The following FHOD3 variants were observed in gnomAD, a reference collection of about 807,000 sequenced individuals.
FHOD3 encodes formin homology 2 domain containing 3.
Under a neutral mutation model 173.0 loss-of-function variants are expected in FHOD3, and 90 were observed. The ratio of observed to expected loss-of-function variants is 0.52; its 90% CI spans 0.44 to 0.62. The LOEUF (loss-of-function observed/expected upper bound fraction) is 0.62. FHOD3 is among the 20% of genes least tolerant of loss of function. The pLI, the probability that FHOD3 is intolerant of heterozygous loss-of-function variation, is 0.00. For missense variants in FHOD3, 1,945 were observed against 2,034.7 expected (o/e 0.96, Z 0.85); for synonymous variants, 828 against 823.0 (o/e 1.01, Z -0.10).
chr18:36,562,135 G>A (rs577815457), intron 5 of FHOD3, among the ~76,000 whole-genome samples: 7 of 152,208 alleles, frequency 4.6e-5, no homozygotes, highest in African/African-American at 1.2e-4. Flanking sequence ...TCCTGCCTCA[G>A]CCTCCCAAGT....
chr18:36,452,654 C>T (rs1268988400), intron 3 of FHOD3, among the ~76,000 whole-genome samples: 1 of 152,104 alleles, frequency 6.6e-6, no homozygotes, highest in South Asian at 2.1e-4. Flanking sequence ...TTCTCGGAGT[C>T]TGGCTACTTT....
At chr18:36,427,238 C>A (rs2050294248) in intron 3 of FHOD3, among the ~76,000 whole-genome samples, 1 of 145,246 alleles carries the variant, frequency 6.9e-6, no homozygotes, top group Non-Finnish European at 1.5e-5. Context: ...AAAGATCACA[C>A]TGCCAGCAGA....
At chr18:36,703,724 C>T (rs181637347) in intron 17 of FHOD3, among the ~76,000 whole-genome samples, 34 of 152,274 alleles carry the variant, frequency 2.2e-4, no homozygotes, top group Admixed American at 5.9e-4. Flanking sequence ...TCTGCCCTGG[C>T]GGACTTCATA....
chr18:36,777,359 G>A (rs1223962679), intron 28 of FHOD3, among the ~76,000 whole-genome samples: 19 of 151,962 alleles, frequency 1.3e-4, no homozygotes, highest in African/African-American at 4.6e-4. Flanking sequence ...GTGCCACCAT[G>A]TCTGGCTAAT....
At chr18:36,464,453 C>T (rs915197339) in intron 3 of FHOD3, among the ~76,000 whole-genome samples, 5 of 152,180 alleles carry the variant, frequency 3.3e-5, no homozygotes, top group Non-Finnish European at 7.3e-5. Context: ...TGCTGCCATA[C>T]AGCTTGGACT....
intron 6 of FHOD3, among the ~76,000 whole-genome samples, chr18:36,592,801 G>A (rs1374448734): frequency 6.6e-6 from 1 of 152,076 alleles, no homozygotes; most frequent in Non-Finnish European, 1.5e-5. Flanking sequence ...GGTGGAAGGG[G>A]GTAAGCATGA....
intron 7 of FHOD3, among the ~76,000 whole-genome samples, chr18:36,601,938 G>A (rs1027718695): frequency 2.0e-4 from 31 of 152,184 alleles, no homozygotes; most frequent in African/African-American, 7.0e-4. Flanking sequence ...ATAAGCCTTC[G>A]CCTGCAGAGC....
chr18:36,628,796 T>C (rs2034298627), intron 10 of FHOD3, among the ~76,000 whole-genome samples: 1 of 152,190 alleles, frequency 6.6e-6, no homozygotes, highest in African/African-American at 2.4e-5. Context: ...TGGGGTACAC[T>C]TCCAGGCATG....
At chr18:36,584,518 A>G (rs1282168632) in intron 6 of FHOD3, among the ~76,000 whole-genome samples, 1 of 152,220 alleles carries the variant, frequency 6.6e-6, no homozygotes, top group African/African-American at 2.4e-5. Context: ...GAATTGCACT[A>G]TTGTCTTAAA....
chr18:36,424,250 C>T (rs896015916), intron 3 of FHOD3, among the ~76,000 whole-genome samples: 1 of 152,184 alleles, frequency 6.6e-6, no homozygotes, highest in Non-Finnish European at 1.5e-5. Context: ...CAGTACAGTG[C>T]CACATTTTTT....
rs1013547143 is a variant in FHOD3, at chr18:36,742,643, A to G, written c.3760-94A>G. ...GGGGGATTGCCTTGTGCTGGGGAGA[A>G]CACCGTGTGTTATTCCCTTATACAA... On this transcript the variant is annotated intron_variant, in intron 21 of 28. Coordinates refer to ENST00000590592, the MANE Select transcript of FHOD3 (RefSeq NM_001281740.3). 1.1e-4 allele frequency: 153 copies of G among 1,368,574 alleles called. 1 individual carries two copies. The South Asian group carries it at 2.0e-3, about 17-fold the overall frequency. The allele number at this position is 1,368,574 out of a possible 1,614,324, so 84.8% of individuals were successfully genotyped here. A position where few individuals can be genotyped will look rare whatever the true frequency, so the allele number is the denominator to read the frequency against.
At chr18:36,495,797 A>G (rs540116321) in intron 3 of FHOD3, among the ~76,000 whole-genome samples, 1 of 152,348 alleles carries the variant, frequency 6.6e-6, no homozygotes, top group Non-Finnish European at 1.5e-5. Context: ...CAGTGAGCAC[A>G]GCCTGCAGAG....
intron 4 of FHOD3, among the ~76,000 whole-genome samples, chr18:36,511,053 C>T (rs1423279985): frequency 6.6e-6 from 1 of 152,208 alleles, no homozygotes; most frequent in Non-Finnish European, 1.5e-5. Flanking sequence ...AGTTCATCTA[C>T]ATTATTTTTT....
chr18:36,363,876 TAGG>T (rs2046755757), intron 2 of FHOD3, among the ~76,000 whole-genome samples: 1 of 120,716 alleles, frequency 8.3e-6, no homozygotes, highest in Non-Finnish European at 1.6e-5. Flanking sequence ...AAGATGTTAA[TAGG>T]AGAAATGGGT....
intron 10 of FHOD3, among the ~76,000 whole-genome samples, chr18:36,635,518 G>A (rs974933243): frequency 6.6e-6 from 1 of 152,172 alleles, no homozygotes; most frequent in Admixed American, 6.5e-5. Context: ...GGAGTGGAGG[G>A]GGCCTGACTG....
At chr18:36,759,325 T>C (rs1390505375) in intron 26 of FHOD3, among the ~76,000 whole-genome samples, 184 bp downstream of exon 26, 3 of 152,140 alleles carry the variant, frequency 2.0e-5, no homozygotes. Flanking sequence ...TCATGCCACG[T>C]TTGCCAGGGA....
In FHOD3 at chr18:36,372,895, T is replaced by C; in HGVS notation, c.337+151T>C. The C allele has an allele frequency of 5.7e-6, 4 of 697,182 alleles. No homozygotes were observed. In the South Asian group the frequency reaches 7.5e-5, roughly 13 times the overall value. 43.2% of individuals were successfully genotyped at this position (697,182 alleles called of 1,614,324 possible). On this transcript the variant is annotated intron_variant, in intron 3 of 28. Coordinates refer to ENST00000590592, the MANE Select transcript of FHOD3 (RefSeq NM_001281740.3). ...GTGAAACAATTTCCAGCAATGATTTTTGAAGGCCTGTTTCATTCCAGCTTC... is the reference window on the plus strand; with the variant it reads ...GTGAAACAATTTCCAGCAATGATTTCTGAAGGCCTGTTTCATTCCAGCTTC...
intron 3 of FHOD3, among the ~76,000 whole-genome samples, chr18:36,464,841 T>C (rs929058200): frequency 4.0e-5 from 6 of 151,870 alleles, no homozygotes; most frequent in African/African-American, 1.2e-4. Flanking sequence ...CCTCTGTCTC[T>C]CCCCCCTCTT....
chr18:36,554,604 G>A lies in FHOD3; in HGVS notation c.512-21847G>A, dbSNP rs564400264. On this transcript the variant is annotated intron_variant, in intron 5 of 28. Transcript: ENST00000590592. ...CCTATGTAACAAACCTGCACGTTGT[G>A]CACATGTACCCTAGAACTTGAAGTA... 5.9e-5 allele frequency among the ~76,000 whole-genome samples: 9 copies of A among 152,200 alleles called. No individual in the cohort carries two copies. In the East Asian group the frequency reaches 1.7e-3, roughly 29 times the overall value.
Sources: gnomAD v4.1 joint callset for allele counts (sites outside exome capture counted in the v4.1 genomes callset) on GRCh38, gnomAD v4.1.1 for gene constraint, MANE v1.5 for transcripts, NCBI Gene and HGNC (gene_info 2026-07-23, HGNC 2026-07-21) for gene names.